Variants in PLEKHA7 observed in about 807,000 individuals in gnomAD.
PLEKHA7 encodes pleckstrin homology domain containing A7.
Under a neutral mutation model 170.0 loss-of-function variants are expected in PLEKHA7, and 104 were observed. The observed-to-expected ratio is 0.61, with a 90% CI of 0.52 to 0.72. The LOEUF is 0.72. Among genes scored for constraint, PLEKHA7 ranks in the 30% least tolerant of loss-of-function variants. The pLI, the probability that PLEKHA7 is intolerant of heterozygous loss-of-function variation, is 0.00. For missense variants in PLEKHA7, 1,615 were observed against 1,671.7 expected (o/e 0.97, Z 0.59); for synonymous variants, 648 against 660.8 (o/e 0.98, Z 0.30).
At chr11:16,952,703 G>A (rs989035737) in intron 3 of PLEKHA7, among the ~76,000 whole-genome samples, 1 of 152,042 alleles carries the variant, frequency 6.6e-6, no homozygotes, top group Non-Finnish European at 1.5e-5. Context: ...AATACATATT[G>A]GTTAAGCATC....
Position 16,826,368 on chromosome 11 carries a change from G to A in PLEKHA7, c.1095C>T (p.Tyr365=). 2 of 1,614,260 alleles carry A rather than the reference G, an allele frequency of 1.2e-6. No homozygotes were observed. Among genetic ancestry groups the A allele is most frequent in the African/African-American group, 1.3e-5 (1 of 75,074 alleles). The change falls in exon 10 of 27, where the codon TAC becomes TAT. Residue 365 remains tyrosine, a synonymous_variant. Coordinates refer to ENST00000531066, the MANE Select transcript of PLEKHA7 (RefSeq NM_001329630.2). ...KRDRSKARSP[Y]SPAEEDALFM... is the part of the protein sequence containing the mutation. ...ACAAGGCATCCTCCTCGGCTGGCGA[G>A]TACGGAGACCTGGCCTTGCTCCGGT...
At chr11:16,928,841 A>T (rs1035268973) in intron 3 of PLEKHA7, among the ~76,000 whole-genome samples, 2 of 152,088 alleles carry the variant, frequency 1.3e-5, no homozygotes, top group East Asian at 3.8e-4. Context: ...ATTTGACTTT[A>T]TGAGATTTTT....
At position 17,014,324 on chromosome 11, in the gene PLEKHA7, G is replaced by A. The variant is rs1185997355; in HGVS notation, c.78C>T (p.Phe26=). The change falls in exon 1 of 27, where the codon TTC becomes TTT. Residue 26 remains phenylalanine (F), a synonymous_variant. Coordinates refer to ENST00000531066, the MANE Select transcript of PLEKHA7 (RefSeq NM_001329630.2). ...GGGTCCTCGCGCCGCACTTGATGAAGAAGACGCGGCCATCCCGGCACACCC... is the reference window on the plus strand; with the variant it reads ...GGGTCCTCGCGCCGCACTTGATGAAAAAGACGCGGCCATCCCGGCACACCC... ...SYGVCRDGRV[F]FINDQLRCTT... 4 of 1,445,344 alleles carry A rather than the reference G, an allele frequency of 2.8e-6. No homozygotes were observed. The highest frequency in any genetic ancestry group is 5.1e-5 in the Admixed American group (2 of 38,886). 89.5% of individuals were successfully genotyped at this position (1,445,344 alleles called of 1,614,324 possible).
intron 3 of PLEKHA7, among the ~76,000 whole-genome samples, chr11:16,882,860 T>TCACA (rs768102944): frequency 2.1e-4 from 32 of 151,844 alleles, no homozygotes; most frequent in African/African-American, 7.2e-4. Context: ...ATACACATAT[T>TCACA]CACACACACA....
intron 3 of PLEKHA7, among the ~76,000 whole-genome samples, chr11:16,875,311 GAA>G (rs367950259): frequency 3.6e-4 from 54 of 151,510 alleles, no homozygotes; most frequent in Middle Eastern, 6.9e-3. Context: ...TAAACATAAG[GAA>G]ACTGAGGTTC....
At chr11:16,877,465 C>T (rs945000329) in intron 3 of PLEKHA7, among the ~76,000 whole-genome samples, 1 of 152,198 alleles carries the variant, frequency 6.6e-6, no homozygotes, top group Non-Finnish European at 1.5e-5. Flanking sequence ...GTTTTTTAAG[C>T]TCCTTGTGAC....
chr11:16,784,830 G>A (rs1449788975), intron 24 of PLEKHA7, among the ~76,000 whole-genome samples: 1 of 152,224 alleles, frequency 6.6e-6, no homozygotes, highest in African/African-American at 2.4e-5. Flanking sequence ...TTAGAGGAAG[G>A]AAGCAGATTA....
intron 3 of PLEKHA7, among the ~76,000 whole-genome samples, chr11:17,006,390 G>A (rs1414900300): frequency 6.6e-6 from 1 of 151,170 alleles, no homozygotes. Flanking sequence ...ACTCTGGGAG[G>A]CCAAGGCAGG....
rs1016443156 is a variant in PLEKHA7, at chr11:16,787,139, C to CCG, written c.3358-754_3358-753dup. On this transcript the variant is annotated intron_variant, in intron 23 of 26. Coordinates refer to ENST00000531066, the MANE Select transcript of PLEKHA7 (RefSeq NM_001329630.2). Reference sequence around the variant, plus strand: ...AAGATCCAACCATGACTGTCCAGCTCCGTGGTGACTTCCTGTTGACCCAGG... The same window carrying CCG: ...AAGATCCAACCATGACTGTCCAGCTCCGCGTGGTGACTTCCTGTTGACCCAGG... The CCG allele has an allele frequency of 7.5e-5, 74 of 985,480 alleles. No individual in the cohort carries two copies. The African/African-American group carries it at 1.2e-3, about 16-fold the overall frequency. The allele number at this position is 985,480 out of a possible 1,614,324, so 61.0% of individuals were successfully genotyped here.
rs574739908 is a variant in PLEKHA7, at chr11:16,933,629, G to C, written c.222-62447C>G. Reference sequence around the variant, plus strand: ...GAGAAGTACAAGTCAAAGGGGAGGAGAGGTGTTAAAATTGATCAAGAACTC... The same window carrying C: ...GAGAAGTACAAGTCAAAGGGGAGGACAGGTGTTAAAATTGATCAAGAACTC... On this transcript the variant is annotated intron_variant, in intron 3 of 26. Transcript: ENST00000531066. Among the ~76,000 whole-genome samples, 4 of 151,970 alleles carry C rather than the reference G, an allele frequency of 2.6e-5. No individual in the cohort carries two copies. The East Asian group carries it at 7.7e-4, about 29-fold the overall frequency.
At chr11:16,959,933 G>C (rs1861943930) in intron 3 of PLEKHA7, among the ~76,000 whole-genome samples, 1 of 152,094 alleles carries the variant, frequency 6.6e-6, no homozygotes, top group South Asian at 2.1e-4. Flanking sequence ...AAGGAGCCCA[G>C]GTAAGGCTGC....
chr11:16,877,269 C>T (rs1351862911), intron 3 of PLEKHA7, among the ~76,000 whole-genome samples: 2 of 152,092 alleles, frequency 1.3e-5, no homozygotes, highest in African/African-American at 4.8e-5. Flanking sequence ...TTCTAAATAC[C>T]AGTGTCTGGA....
intron 3 of PLEKHA7, among the ~76,000 whole-genome samples, chr11:16,988,324 T>G (rs886669488): frequency 6.6e-6 from 1 of 152,164 alleles, no homozygotes; most frequent in African/African-American, 2.4e-5. Flanking sequence ...GGGAGCCACA[T>G]CCAGAGCAGC....
chr11:16,984,027 G>T (rs1863589379), intron 3 of PLEKHA7, among the ~76,000 whole-genome samples: 1 of 151,826 alleles, frequency 6.6e-6, no homozygotes, highest in Non-Finnish European at 1.5e-5. Context: ...CTGCAGCCTG[G>T]GCAACAGAGT....
At chr11:16,990,442 G>A (rs898236371) in intron 3 of PLEKHA7, among the ~76,000 whole-genome samples, 13 of 152,060 alleles carry the variant, frequency 8.5e-5, no homozygotes, top group Non-Finnish European at 1.8e-4. Flanking sequence ...AGGCTGCACT[G>A]TTTCAGTGAC....
At chr11:16,950,500 CT>C (rs35252481) in intron 3 of PLEKHA7, among the ~76,000 whole-genome samples, 2,015 of 145,266 alleles carry the variant, frequency 0.014, 14 homozygotes, top group African/African-American at 0.022. Context: ...AGAGATAAGA[CT>C]TTTTTTTTTT....
Position 16,911,926 on chromosome 11 carries a change from G to A in PLEKHA7, c.222-40744C>T, listed in dbSNP as rs758545311. On this transcript the variant is annotated intron_variant, in intron 3 of 26. Coordinates refer to ENST00000531066, the MANE Select transcript of PLEKHA7 (RefSeq NM_001329630.2). ...CACCTGCTTAATTACCAAGCAGAGCGACACAGCCAGAGCACACCCTGGTAA... is the reference window on the plus strand; with the variant it reads ...CACCTGCTTAATTACCAAGCAGAGCAACACAGCCAGAGCACACCCTGGTAA... Among the ~76,000 whole-genome samples, 8 of 152,182 alleles carry A rather than the reference G, an allele frequency of 5.3e-5. 1 individual carries two copies. The highest frequency in any genetic ancestry group is 6.8e-3 in the Middle Eastern group (2 of 294).
At chr11:16,914,024 G>T (rs2136182095) in intron 3 of PLEKHA7, among the ~76,000 whole-genome samples, 1 of 152,280 alleles carries the variant, frequency 6.6e-6, no homozygotes, top group East Asian at 1.9e-4. Flanking sequence ...AACAGGGAAT[G>T]ATTAAGAATA....
At chr11:16,860,247 C>T (rs1853830875) in intron 4 of PLEKHA7, among the ~76,000 whole-genome samples, 1 of 152,198 alleles carries the variant, frequency 6.6e-6, no homozygotes, top group Admixed American at 6.5e-5. Context: ...AGGAGTGCTT[C>T]TGCTTCCTGC....
Sources: gnomAD v4.1 joint callset for allele counts (sites outside exome capture counted in the v4.1 genomes callset) on GRCh38, gnomAD v4.1.1 for gene constraint, MANE v1.5 for transcripts, NCBI Gene and HGNC (gene_info 2026-07-23, HGNC 2026-07-21) for gene names.